The following WBP1L variants were observed in gnomAD, a reference collection of about 807,000 sequenced individuals.
WBP1L encodes WW domain binding protein 1-like.
A neutral mutation model predicts 33.7 loss-of-function variants in WBP1L; 17 were observed. The ratio of observed to expected loss-of-function variants is 0.50; its 90% CI spans 0.34 to 0.76. WBP1L has a LOEUF of 0.76. Ranked by LOEUF, WBP1L falls within the 30% of genes least tolerant of loss-of-function variation. The pLI is 0.01. For synonymous variants in WBP1L, 173 were observed against 190.8 expected (o/e 0.91, Z 0.77); for missense variants, 389 against 469.4 (o/e 0.83, Z 1.58).
At position 102,748,565 on chromosome 10, in the gene WBP1L, G is replaced by A. The variant is rs554283595; in HGVS notation, c.90+4422G>A. Among the ~76,000 whole-genome samples, 21 of 152,300 alleles carry A rather than the reference G, an allele frequency of 1.4e-4. No homozygotes were observed. The South Asian group carries it at 2.1e-3, about 15-fold the overall frequency. Reference sequence around the variant, plus strand: ...CCAAAGTGTAAAATCAGCACCTTGAGTTTCTGCAAACTCTTTCAGTGGAAT... The same window carrying A: ...CCAAAGTGTAAAATCAGCACCTTGAATTTCTGCAAACTCTTTCAGTGGAAT... On this transcript the variant is annotated intron_variant, in intron 1 of 3. Transcript: ENST00000448841.
chr10:102,776,181 C>T, intron 1 of WBP1L: 3 of 1,445,826 alleles, frequency 2.1e-6, no homozygotes, highest in Non-Finnish European at 2.7e-6. Context: ...TGGGGGTGGG[C>T]CAGAGCCAGG....
chr10:102,756,286 T>C (rs760812736), intron 1 of WBP1L, among the ~76,000 whole-genome samples: 7 of 152,042 alleles, frequency 4.6e-5, no homozygotes, highest in Non-Finnish European at 1.0e-4. Context: ...GGCGCATGGC[T>C]GTAGTCCTAG....
chr10:102,767,072 A>G (rs945650244), intron 1 of WBP1L, among the ~76,000 whole-genome samples: 3 of 152,128 alleles, frequency 2.0e-5, no homozygotes, highest in African/African-American at 7.2e-5. Context: ...CGAACCTAGC[A>G]TTTTGATATG....
At chr10:102,766,656 A>AAACCCAGGTTTC (rs1843115212) in intron 1 of WBP1L, among the ~76,000 whole-genome samples, 1 of 151,262 alleles carries the variant, frequency 6.6e-6, no homozygotes, top group Non-Finnish European at 1.5e-5. Context: ...AACATGGTGA[A>AAACCCAGGTTTC]ACCATGTCTC....
chr10:102,813,068 G>A lies in WBP1L; in HGVS notation c.829G>A (p.Val277Met). ...FTGDSGIEVC[V>M]CNRGHHDDDL... The stretch of plus-strand genomic sequence containing the variant: ...AGGTGACTCGGGCATTGAAGTGTGT[G>A]TGTGCAACCGGGGCCACCATGACGA... Residue 277 changes from valine (V) to methionine (M), a missense_variant, in exon 4 of 4, where the codon GTG becomes ATG. Physicochemically the swap from Val to Met is conservative, Grantham distance 21. Transcript: ENST00000448841. 1 of 1,613,832 alleles carries A rather than the reference G, an allele frequency of 6.2e-7. No individual in the cohort carries two copies. Among genetic ancestry groups the A allele is most frequent in the South Asian group, 1.1e-5 (1 of 91,082 alleles).
intron 1 of WBP1L, among the ~76,000 whole-genome samples, chr10:102,754,968 G>A (rs1390528349): frequency 6.8e-6 from 1 of 146,446 alleles, no homozygotes; most frequent in African/African-American, 2.5e-5. Flanking sequence ...TTTTTTTTTT[G>A]AGATGAAGTC....
intron 2 of WBP1L, among the ~76,000 whole-genome samples, chr10:102,801,183 A>C (rs2134061174): frequency 6.6e-6 from 1 of 152,302 alleles, no homozygotes; most frequent in South Asian, 2.1e-4. Flanking sequence ...GCATGTGTTG[A>C]GAACGGCAGA....
chr10:102,757,134 C>G (rs1842986169), intron 1 of WBP1L, among the ~76,000 whole-genome samples: 1 of 152,096 alleles, frequency 6.6e-6, no homozygotes, highest in African/African-American at 2.4e-5. Flanking sequence ...AATGATCCAT[C>G]CATCTTAGCC....
intron 1 of WBP1L, among the ~76,000 whole-genome samples, chr10:102,751,288 C>T (rs1417299214): frequency 2.0e-5 from 3 of 150,776 alleles, no homozygotes; most frequent in African/African-American, 7.3e-5. Context: ...AGGTGTGTGC[C>T]ACTGCGCCCA....
chr10:102,759,322 C>T (rs570822233), intron 1 of WBP1L, among the ~76,000 whole-genome samples: 1 of 152,142 alleles, frequency 6.6e-6, no homozygotes, highest in East Asian at 1.9e-4. Flanking sequence ...CTATACCTGC[C>T]GGTTATTCCT....
chr10:102,802,460 C>T (rs1843671976), intron 2 of WBP1L, among the ~76,000 whole-genome samples: 1 of 151,804 alleles, frequency 6.6e-6, no homozygotes, highest in East Asian at 1.9e-4. Flanking sequence ...ATTTCCAGTG[C>T]CAAGAACAGA....
At chr10:102,748,732 C>CG (rs1349071832) in intron 1 of WBP1L, among the ~76,000 whole-genome samples, 2 of 152,154 alleles carry the variant, frequency 1.3e-5, no homozygotes, top group Admixed American at 6.5e-5. Flanking sequence ...GGACAGATAG[C>CG]GCACACAGTG....
chr10:102,800,557 C>T (rs1287496037), intron 2 of WBP1L, among the ~76,000 whole-genome samples: 1 of 152,210 alleles, frequency 6.6e-6, no homozygotes, highest in East Asian at 1.9e-4. Flanking sequence ...GGAGGCCCAG[C>T]AGAGAGCAGT....
At chr10:102,749,307 G>T (rs67506723) in intron 1 of WBP1L, among the ~76,000 whole-genome samples, 70,557 of 151,930 alleles carry the variant, frequency 0.46, 16,524 homozygotes, top group East Asian at 0.62. Flanking sequence ...TGCCCATAGG[G>T]TTTCTGTCGC....
At chr10:102,787,319 G>C (rs1041482652) in intron 1 of WBP1L, among the ~76,000 whole-genome samples, 1 of 152,216 alleles carries the variant, frequency 6.6e-6, no homozygotes, top group African/African-American at 2.4e-5. Flanking sequence ...TGGGCACAGT[G>C]GCTCCCGACT....
At chr10:102,797,262 G>C (rs912279395) in intron 1 of WBP1L, among the ~76,000 whole-genome samples, 3 of 152,140 alleles carry the variant, frequency 2.0e-5, no homozygotes, top group Non-Finnish European at 4.4e-5. Context: ...AATACATACC[G>C]CTTTAATTAT....
intron 3 of WBP1L, among the ~76,000 whole-genome samples, chr10:102,811,129 G>A (rs559363976): frequency 2.6e-5 from 4 of 152,152 alleles, no homozygotes; most frequent in South Asian, 2.1e-4. Flanking sequence ...ATTGTGGGCC[G>A]GGCTCAGTGG....
chr10:102,780,979 G>A (rs903416388), intron 1 of WBP1L, among the ~76,000 whole-genome samples: 3 of 152,170 alleles, frequency 2.0e-5, no homozygotes, highest in African/African-American at 7.2e-5. Context: ...GATGATCCCT[G>A]ATACTGGAAA....
chr10:102,749,388 A>C (rs1002782486), intron 1 of WBP1L, among the ~76,000 whole-genome samples: 1 of 152,024 alleles, frequency 6.6e-6, no homozygotes, highest in Admixed American at 6.6e-5. Flanking sequence ...CTTCTGCCTC[A>C]GCCTCCCAAG....
Sources: gnomAD v4.1 joint callset for allele counts (sites outside exome capture counted in the v4.1 genomes callset) on GRCh38, gnomAD v4.1.1 for gene constraint, MANE v1.5 for transcripts, NCBI Gene and HGNC (gene_info 2026-07-23, HGNC 2026-07-21) for gene names.